The following IARS1 variants were observed in gnomAD, a reference collection of about 807,000 sequenced individuals.
The protein encoded by IARS1 is isoleucyl-tRNA synthetase 1.
Under a neutral mutation model 168.2 loss-of-function variants are expected in IARS1, and 124 were observed. That is an observed-to-expected ratio of 0.74 (90% CI 0.64 to 0.86). IARS1 has a LOEUF of 0.86. Ranked by LOEUF, IARS1 falls within the 40% of genes least tolerant of loss-of-function variation. The pLI, the probability that IARS1 is intolerant of heterozygous loss-of-function variation, is 0.00. For missense variants in IARS1, 1,452 were observed against 1,515.8 expected (o/e 0.96, Z 0.70); for synonymous variants, 532 against 529.4 (o/e 1.00, Z -0.07).
At chr9:92,256,022 T>TAA (rs34796593) in intron 20 of IARS1, among the ~76,000 whole-genome samples, 12 of 139,788 alleles carry the variant, frequency 8.6e-5, no homozygotes, top group Non-Finnish European at 1.1e-4. Flanking sequence ...TATGTACCCA[T>TAA]AAAAAAAAAA....
intron 30 of IARS1, among the ~76,000 whole-genome samples, chr9:92,237,955 G>A (rs768734747): frequency 6.6e-6 from 1 of 152,084 alleles, no homozygotes; most frequent in African/African-American, 2.4e-5. Context: ...ACCCAGTATA[G>A]AGTATAGGAG....
chr9:92,281,322 T>C (rs1834529882), intron 6 of IARS1, among the ~76,000 whole-genome samples: 1 of 151,944 alleles, frequency 6.6e-6, no homozygotes, highest in Admixed American at 6.6e-5. Context: ...TTAGTAGAGA[T>C]GGGGTTATTC....
chr9:92,239,696 G>A (rs889677484), intron 30 of IARS1, among the ~76,000 whole-genome samples: 1 of 152,100 alleles, frequency 6.6e-6, no homozygotes, highest in Non-Finnish European at 1.5e-5. Context: ...TGATGCCACC[G>A]GGCAGAGGGG....
Position 92,288,214 on chromosome 9 carries a change from G to A in IARS1, c.188C>T (p.Thr63Ile). 1 of 1,613,862 alleles carries A rather than the reference G, an allele frequency of 6.2e-7. No homozygotes were observed. The highest frequency in any genetic ancestry group is 8.5e-7 in the Non-Finnish European group (1 of 1,179,850). The stretch of plus-strand genomic sequence containing the variant: ...ATATCTTGTAACTATATCTTTAATT[G>A]TACCCGCAAGTATATGTCCATAGTG... Reference protein sequence around the residue: ...LPHYGHILAGTIKDIVTRYAH... With the variant: ...LPHYGHILAGIIKDIVTRYAH... The change falls in exon 3 of 34, where the codon ACA (threonine) becomes ATA (isoleucine). Residue 63 changes from threonine (T) to isoleucine (I), a missense_variant. Physicochemically the swap from Thr to Ile is moderately conservative, Grantham distance 89 (BLOSUM62 -1). Transcript: ENST00000443024.
chr9:92,268,396 G>T (rs1161543622), intron 13 of IARS1, 96 bp from the exon 14 acceptor site: 1 of 1,238,866 alleles, frequency 8.1e-7, no homozygotes. Context: ...ACGCTTTGTG[G>T]ACCAAACACT....
At chr9:92,226,806 T>C (rs1825765092) in intron 31 of IARS1, among the ~76,000 whole-genome samples, 1 of 150,808 alleles carries the variant, frequency 6.6e-6, no homozygotes, top group Non-Finnish European at 1.5e-5. Context: ...ATGGCCACCT[T>C]CTTTTTTTTT....
intron 30 of IARS1, among the ~76,000 whole-genome samples, chr9:92,229,804 C>T (rs930480707): frequency 6.6e-6 from 1 of 152,100 alleles, no homozygotes; most frequent in Non-Finnish European, 1.5e-5. Context: ...TTCAGATTGC[C>T]TCAGTTTTAC....
Position 92,277,845 on chromosome 9 carries a change from A to G in IARS1, c.894+18T>C. ...TCAGATTGTGGAGAGCGCCCACAGT[A>G]GCGGTCCCTAAGCTTACCTTCAGGA... On this transcript the variant is annotated intron_variant, in intron 9 of 33. Transcript: ENST00000443024. The G allele has an allele frequency of 6.2e-7, 1 of 1,609,284 alleles. No individual in the cohort carries two copies. The highest frequency in any genetic ancestry group is 1.1e-5 in the South Asian group (1 of 90,668).
At chr9:92,211,296 T>C (rs911234167) in intron 33 of IARS1, among the ~76,000 whole-genome samples, 1 of 152,192 alleles carries the variant, frequency 6.6e-6, no homozygotes, top group African/African-American at 2.4e-5. Context: ...ATATAGTCTC[T>C]GTGTTGTCAG....
chr9:92,245,880 C>A (rs1829121384), intron 26 of IARS1, among the ~76,000 whole-genome samples: 1 of 152,014 alleles, frequency 6.6e-6, no homozygotes, highest in African/African-American at 2.4e-5. Context: ...CATTCCCCGG[C>A]CTCAGTCTCC....
Position 92,288,002 on chromosome 9 carries a change from ATAT to A in IARS1, c.277-95_277-93del, listed in dbSNP as rs1835720229. 1.9e-6 allele frequency: 3 copies of A among 1,549,200 alleles called. No homozygotes were observed. In the East Asian group the frequency reaches 6.8e-5, roughly 35 times the overall value. On this transcript the variant is annotated intron_variant, in intron 3 of 33. Transcript: ENST00000443024. ...GAAAACAAAACAAATCAAACTACAAATATTATAGAAATGAACTAGAAGGTCTGA... is the reference window on the plus strand; with the variant it reads ...GAAAACAAAACAAATCAAACTACAAATATAGAAATGAACTAGAAGGTCTGA...
At position 92,256,739 on chromosome 9, in the gene IARS1, T is replaced by A. The variant is rs963108573; in HGVS notation, c.2078A>T (p.Asp693Val). ...NTVRESPNIT[D>V]RWILSFMQSL... is the part of the protein sequence containing the mutation. ...CTGCATGAAGGACAGGATCCACCGG[T>A]CTGTAATGTTGGGGCTTTCTCTAAC... The change falls in exon 20 of 34, where the codon GAC (aspartate) becomes GTC (valine). Residue 693 changes from aspartate (D) to valine (V), a missense_variant. Asp to Val is a radical substitution (Grantham distance 152, BLOSUM62 -3). Transcript: ENST00000443024. The A allele has an allele frequency of 1.9e-6, 3 of 1,613,892 alleles. No individual in the cohort carries two copies. The highest frequency in any genetic ancestry group is 2.5e-6 in the Non-Finnish European group (3 of 1,179,818).
At chr9:92,215,177 G>C (rs947239247) in intron 33 of IARS1, among the ~76,000 whole-genome samples, 1 of 152,160 alleles carries the variant, frequency 6.6e-6, no homozygotes, top group Non-Finnish European at 1.5e-5. Context: ...TACCTCACAC[G>C]GCAGGGTATT....
chr9:92,265,229 T>C, intron 15 of IARS1, 106 bp from the exon 16 acceptor site: 2 of 1,021,612 alleles, frequency 2.0e-6, no homozygotes, highest in Non-Finnish European at 1.4e-6. Flanking sequence ...TTATACACAT[T>C]TGCAAACAGA....
At chr9:92,282,858 A>ATTT (rs1267921507) in intron 6 of IARS1, among the ~76,000 whole-genome samples, 1 of 141,118 alleles carries the variant, frequency 7.1e-6, no homozygotes, top group African/African-American at 2.7e-5. Flanking sequence ...ATATATATAT[A>ATTT]TATTTTTTTT....
At chr9:92,223,986 T>C (rs1428816092) in intron 31 of IARS1, among the ~76,000 whole-genome samples, 4 of 152,208 alleles carry the variant, frequency 2.6e-5, no homozygotes, top group Non-Finnish European at 4.4e-5. Flanking sequence ...GGTTGTGATA[T>C]AGGACAGGCC....
intron 10 of IARS1, 22 bp downstream of exon 10, chr9:92,274,404 T>G: frequency 1.3e-6 from 2 of 1,582,136 alleles, no homozygotes; most frequent in Non-Finnish European, 1.7e-6. Flanking sequence ...TCAAATACAT[T>G]TGCCAGACTT....
chr9:92,211,039 A>C (rs1054440506), intron 33 of IARS1, 150 bp from the exon 34 acceptor site: 2 of 603,578 alleles, frequency 3.3e-6, no homozygotes, highest in African/African-American at 3.7e-5. Flanking sequence ...TGAACCTCTA[A>C]ATCCTTGGAA....
At chr9:92,233,765 C>A (rs1827069905) in intron 30 of IARS1, among the ~76,000 whole-genome samples, 1 of 152,092 alleles carries the variant, frequency 6.6e-6, no homozygotes, top group Non-Finnish European at 1.5e-5. Context: ...AGGTTTACAT[C>A]TGAATATTTT....
Sources: allele counts gnomAD v4.1 joint callset (sites outside exome capture counted in the v4.1 genomes callset), GRCh38; gene constraint gnomAD v4.1.1; transcripts MANE v1.5; gene names NCBI Gene and HGNC (gene_info 2026-07-23, HGNC 2026-07-21).